LMBR1: variants seen among roughly 807,000 people sequenced by gnomAD.
LMBR1 encodes limb region 1 protein homolog.
Under a neutral mutation model 73.9 loss-of-function variants are expected in LMBR1, and 52 were observed. The ratio of observed to expected loss-of-function variants is 0.70; its 90% CI spans 0.56 to 0.89. LMBR1 has a LOEUF of 0.89. LMBR1 is among the 40% of genes least tolerant of loss of function. The pLI is 0.00. For synonymous variants in LMBR1, 215 were observed against 209.4 expected, an observed-to-expected ratio of 1.03 and a Z score of -0.23; for missense variants, 539 against 579.8, an observed-to-expected ratio of 0.93 and a Z score of 0.72.
chr7:156,840,964 CAAAAAAAA>C (rs57968006), intron 1 of LMBR1, among the ~76,000 whole-genome samples: 3 of 71,436 alleles, frequency 4.2e-5, no homozygotes, highest in Admixed American at 1.9e-4. Flanking sequence ...GACTCGGTCT[CAAAAAAAA>C]AAAAAAAAAA....
At chr7:156,786,648 T>C (rs1250247775) in intron 5 of LMBR1, among the ~76,000 whole-genome samples, 2 of 152,192 alleles carry the variant, frequency 1.3e-5, no homozygotes, top group Non-Finnish European at 2.9e-5. Flanking sequence ...AAGAGTTTAG[T>C]TGAAGTGTAA....
At chr7:156,772,150 T>C (rs1193021431) in intron 5 of LMBR1, among the ~76,000 whole-genome samples, 1 of 152,096 alleles carries the variant, frequency 6.6e-6, no homozygotes, top group Non-Finnish European at 1.5e-5. Context: ...AGCGCAAGCC[T>C]GTAATCCCAG....
chr7:156,889,794 G>A (rs28482249), intron 1 of LMBR1, among the ~76,000 whole-genome samples: 9,886 of 152,222 alleles, frequency 0.065, 364 homozygotes, highest in East Asian at 0.15. Flanking sequence ...CAGGAGACAG[G>A]TCTGGGCAAC....
chr7:156,776,627 C>G (rs543880125), intron 5 of LMBR1, among the ~76,000 whole-genome samples: 1 of 152,266 alleles, frequency 6.6e-6, no homozygotes, highest in Admixed American at 6.5e-5. Context: ...ACCTTCACTC[C>G]CTTGTTCCCT....
chr7:156,755,763 C>T (rs1197560718), intron 9 of LMBR1, among the ~76,000 whole-genome samples: 1 of 152,136 alleles, frequency 6.6e-6, no homozygotes, highest in Non-Finnish European at 1.5e-5. Flanking sequence ...AGAACAGATA[C>T]AAACTGAAAT....
chr7:156,684,361 A>T (rs1218908880), intron 16 of LMBR1, among the ~76,000 whole-genome samples, 198 bp from the exon 17 acceptor site: 1 of 152,094 alleles, frequency 6.6e-6, no homozygotes, highest in Non-Finnish European at 1.5e-5. Flanking sequence ...TAAGCTGAAG[A>T]CTGCTGCAAG....
intron 4 of LMBR1, among the ~76,000 whole-genome samples, chr7:156,800,583 AATATTTTCATGCCTTAACACAACATCC>A (rs2133433584): frequency 6.6e-6 from 1 of 151,602 alleles, no homozygotes; most frequent in East Asian, 2.0e-4. Context: ...TAAAAAGATC[AATATTTTCATGCCTTAACACAACATCC>A]ATTCTGTAGC....
chr7:156,695,251 A>G (rs148958921), intron 15 of LMBR1, among the ~76,000 whole-genome samples: 95 of 152,334 alleles, frequency 6.2e-4, no homozygotes, highest in African/African-American at 2.1e-3. Context: ...TGTGGCCACA[A>G]TGACTTAAAA....
chr7:156,681,089 A>G lies in LMBR1; in HGVS notation c.*2989T>C. The G allele has an allele frequency of 2.4e-6, 1 of 419,392 alleles. No homozygotes were observed. Among genetic ancestry groups the G allele is most frequent in the Non-Finnish European group, 4.6e-6 (1 of 217,134 alleles). The allele number at this position is 419,392 out of a possible 1,614,324, so 26.0% of individuals were successfully genotyped here. ...GTGCTGCATCTATGTTCACATTAAA[A>G]AAAAAAACTTGTAAGAATTCTGCCT... On this transcript the variant is annotated 3_prime_UTR_variant, in exon 17 of 17. Coordinates refer to ENST00000353442, the MANE Select transcript of LMBR1 (RefSeq NM_022458.4).
rs556653965 is a variant in LMBR1, at chr7:156,699,985, C to T, written c.1226-11794G>A. Among the ~76,000 whole-genome samples the T allele has an allele frequency of 9.9e-5, 15 of 152,266 alleles. No homozygotes were observed. In the South Asian group the frequency reaches 1.5e-3, roughly 15 times the overall value. ...TCAACCGTTGTGGAAGTCAGTGTGG[C>T]GATTCCTCAGGGATCTAGAACTAGA... On this transcript the variant is annotated intron_variant, in intron 15 of 16. Transcript: ENST00000353442.
At chr7:156,848,122 G>C (rs1795756972) in intron 1 of LMBR1, among the ~76,000 whole-genome samples, 1 of 148,902 alleles carries the variant, frequency 6.7e-6, no homozygotes, top group East Asian at 2.0e-4. Flanking sequence ...TAAAACTATA[G>C]AACTCTGGAA....
At chr7:156,692,684 C>G (rs1419338658) in intron 15 of LMBR1, among the ~76,000 whole-genome samples, 2 of 152,068 alleles carry the variant, frequency 1.3e-5, no homozygotes, top group East Asian at 3.9e-4. Context: ...GAGGAGAGCT[C>G]CAGCCATCTC....
At position 156,836,906 on chromosome 7, in the gene LMBR1, C is replaced by A. The variant is rs370541587; in HGVS notation, c.67-21G>T. On this transcript the variant is annotated intron_variant, in intron 1 of 16. Coordinates refer to ENST00000353442, the MANE Select transcript of LMBR1 (RefSeq NM_022458.4). The stretch of plus-strand genomic sequence containing the variant: ...CATATCTGAAACAAAACGAAGTTAA[C>A]AGATCATTTACTTTTTTGCATATCT... 2.0e-5 allele frequency: 30 copies of A among 1,481,052 alleles called. No individual in the cohort carries two copies. The African/African-American group carries it at 4.1e-4, about 20-fold the overall frequency. 91.7% of individuals were successfully genotyped at this position (1,481,052 alleles called of 1,614,324 possible). A position where few individuals can be genotyped will look rare whatever the true frequency, so the allele number is the denominator to read the frequency against.
intron 1 of LMBR1, among the ~76,000 whole-genome samples, chr7:156,848,918 A>G (rs1462786454): frequency 6.8e-6 from 1 of 147,442 alleles, no homozygotes; most frequent in Non-Finnish European, 1.5e-5. Flanking sequence ...GCGACAAAGC[A>G]AGACTCTGTC....
intron 5 of LMBR1, among the ~76,000 whole-genome samples, chr7:156,771,597 C>A (rs1171510072): frequency 6.6e-6 from 1 of 152,202 alleles, no homozygotes; most frequent in African/African-American, 2.4e-5. Context: ...TAATAAAAAG[C>A]CAACTGACTA....
intron 3 of LMBR1, among the ~76,000 whole-genome samples, chr7:156,828,026 G>GCCAGCAAGCGGTCT (rs1836001771): frequency 6.6e-6 from 1 of 152,180 alleles, no homozygotes; most frequent in African/African-American, 2.4e-5. Context: ...GCAGCGACCA[G>GCCAGCAAGCGGTCT]CCAGCAAGCG....
chr7:156,676,504 G>T (rs770700325), downstream of LMBR1: 6 of 1,613,904 alleles, frequency 3.7e-6, no homozygotes, highest in Non-Finnish European at 5.1e-6. Context: ...GCAGGCAGGC[G>T]TTCCAGAGAG....
intron 15 of LMBR1, among the ~76,000 whole-genome samples, chr7:156,695,621 G>A (rs1288719841): frequency 6.6e-6 from 1 of 151,972 alleles, no homozygotes; most frequent in Non-Finnish European, 1.5e-5. Context: ...CAAGGGGGAT[G>A]GTGTTAAACC....
At chr7:156,698,668 CAAG>C (rs1022863822) in intron 15 of LMBR1, among the ~76,000 whole-genome samples, 6 of 152,186 alleles carry the variant, frequency 3.9e-5, no homozygotes, top group Non-Finnish European at 8.8e-5. Context: ...CACAGGGCAC[CAAG>C]TCCCTAGACT....
Sources: allele counts gnomAD v4.1 joint callset (sites outside exome capture counted in the v4.1 genomes callset), GRCh38; gene constraint gnomAD v4.1.1; transcripts MANE v1.5; gene names NCBI Gene and HGNC (gene_info 2026-07-23, HGNC 2026-07-21).